The following JCAD variants were observed in gnomAD, a reference collection of about 807,000 sequenced individuals.
The protein encoded by JCAD is junctional cadherin 5 associated.
In JCAD, 40 loss-of-function variants were observed where a neutral mutation model predicts 98.0. That is an observed-to-expected ratio of 0.41 (90% confidence interval 0.32 to 0.53). The LOEUF (loss-of-function observed/expected upper bound fraction) is 0.53. JCAD is among the 20% of genes least tolerant of loss of function. JCAD has a pLI of 0.31. For missense variants in JCAD, 1,705 were observed against 1,738.1 expected (o/e 0.98, Z 0.34); for synonymous variants, 691 against 682.3 (o/e 1.01, Z -0.20).
chr10:30,069,496 G>A (rs1242008718), intron 2 of JCAD, among the ~76,000 whole-genome samples: 1 of 147,260 alleles, frequency 6.8e-6, no homozygotes, highest in Non-Finnish European at 1.5e-5. Flanking sequence ...TGAAGCAGGA[G>A]AATGGCCTCA....
intron 2 of JCAD, among the ~76,000 whole-genome samples, chr10:30,036,887 T>C (rs577034420): frequency 6.6e-6 from 1 of 152,376 alleles, no homozygotes; most frequent in South Asian, 2.1e-4. Flanking sequence ...TGCCTGCTGC[T>C]TTCCATTGCT....
At chr10:30,105,267 A>C (rs2132713288) in intron 1 of JCAD, among the ~76,000 whole-genome samples, 1 of 152,342 alleles carries the variant, frequency 6.6e-6, no homozygotes, top group Middle Eastern at 3.4e-3. Flanking sequence ...AGACAAAGGC[A>C]GAGATTGACT....
At chr10:30,049,963 T>C (rs1313103126) in intron 1 of JCAD, among the ~76,000 whole-genome samples, 2 of 152,086 alleles carry the variant, frequency 1.3e-5, no homozygotes, top group Non-Finnish European at 2.9e-5. Flanking sequence ...GAGCATGTGT[T>C]TGTGTATGAG....
rs763385806 is a variant in JCAD at position 30,027,511 on chromosome 10, C to T, written c.2637G>A (p.Val879=). Residue 879 remains valine, a synonymous_variant, in exon 3 of 4, where the codon GTG becomes GTA. Coordinates refer to ENST00000375377, the MANE Select transcript of JCAD (RefSeq NM_020848.4). ...ENRAHCRQED[V]GFRGNSPEMR... The stretch of plus-strand genomic sequence containing the variant: ...TTTCCGGGCTGTTTCCGCGGAAGCC[C>T]ACATCCTCCTGTCTGCAGTGAGCAC... The T allele has an allele frequency of 3.8e-5, 61 of 1,611,124 alleles. No individual in the cohort carries two copies. The East Asian group carries it at 1.3e-3, about 34-fold the overall frequency.
At chr10:30,110,592 T>G (rs1838677215) in intron 1 of JCAD, among the ~76,000 whole-genome samples, 1 of 152,104 alleles carries the variant, frequency 6.6e-6, no homozygotes, top group African/African-American at 2.4e-5. Flanking sequence ...ATGGACGCAC[T>G]GATGTATGGA....
intron 1 of JCAD, among the ~76,000 whole-genome samples, chr10:30,101,946 G>A (rs1366071978): frequency 6.6e-6 from 1 of 152,040 alleles, no homozygotes; most frequent in East Asian, 1.9e-4. Context: ...CTGACCTCAG[G>A]GGTGGGACTG....
rs1836525341 is a variant in JCAD, at chr10:30,016,081, G to A, written c.*1802C>T. The A allele has an allele frequency of 6.6e-6, 1 of 152,150 alleles. No individual in the cohort carries two copies. The highest frequency in any genetic ancestry group is 2.1e-4 in the South Asian group (1 of 4,824). The allele number at this position is 152,150 out of a possible 1,614,324, so 9.4% of individuals were successfully genotyped here. A position where few individuals can be genotyped will look rare whatever the true frequency, so the allele number is the denominator to read the frequency against. ...CAGATAAGTGTTTTGAAAAGGCTTG[G>A]AAAGATTTTTCGGGGCGACTTAGGT... On this transcript the variant is annotated 3_prime_UTR_variant, in exon 4 of 4. Coordinates refer to ENST00000375377, the MANE Select transcript of JCAD (RefSeq NM_020848.4).
intron 1 of JCAD, among the ~76,000 whole-genome samples, chr10:30,095,961 G>A (rs753619223): frequency 3.3e-5 from 5 of 152,170 alleles, no homozygotes; most frequent in Non-Finnish European, 5.9e-5. Flanking sequence ...TCAGTAAGGC[G>A]GAACTTCTCT....
At chr10:30,082,352 T>G (rs914839148) in intron 1 of JCAD, among the ~76,000 whole-genome samples, 1 of 152,098 alleles carries the variant, frequency 6.6e-6, no homozygotes, top group East Asian at 1.9e-4. Context: ...ACTCACAAAC[T>G]GCAAAAAATA....
At position 30,017,409 on chromosome 10, in the gene JCAD, T is replaced by A. The variant is rs777944233; in HGVS notation, c.*474A>T. On this transcript the variant is annotated 3_prime_UTR_variant, in exon 4 of 4. Coordinates refer to ENST00000375377, the MANE Select transcript of JCAD (RefSeq NM_020848.4). ...CTATTGATTCACATTTCCCCTAAAC[T>A]GAAAGTGCTGAAACACCGGGCAACA... 3 of 173,426 alleles carry A rather than the reference T, an allele frequency of 1.7e-5. No individual in the cohort carries two copies. The highest frequency in any genetic ancestry group is 2.4e-5 in the Non-Finnish European group (2 of 82,940). 10.7% of individuals were successfully genotyped at this position (173,426 alleles called of 1,614,324 possible).
At chr10:30,060,893 T>A (rs1211055907), upstream of JCAD, among the ~76,000 whole-genome samples, 4 of 152,180 alleles carry the variant, frequency 2.6e-5, no homozygotes, top group Admixed American at 2.6e-4. Flanking sequence ...AATCATATGT[T>A]CCTCATGGTT....
At chr10:30,055,784 A>C (rs1479582316) in intron 1 of JCAD, among the ~76,000 whole-genome samples, 1 of 152,244 alleles carries the variant, frequency 6.6e-6, no homozygotes, top group Non-Finnish European at 1.5e-5. Flanking sequence ...TGGAACATTA[A>C]TCTTGCTGGG....
intron 1 of JCAD, among the ~76,000 whole-genome samples, chr10:30,108,915 C>A (rs934223926): frequency 1.3e-5 from 2 of 151,626 alleles, no homozygotes; most frequent in African/African-American, 4.9e-5. Context: ...AAGTATGTTG[C>A]ACAGTGAACA....
At chr10:30,086,252 G>A (rs1838165231) in intron 1 of JCAD, among the ~76,000 whole-genome samples, 1 of 152,078 alleles carries the variant, frequency 6.6e-6, no homozygotes, top group African/African-American at 2.4e-5. Context: ...TGCCTCTTTT[G>A]TGCATTGAAC....
chr10:30,088,980 AAAAT>A (rs1179672470), intron 1 of JCAD, among the ~76,000 whole-genome samples: 3 of 152,206 alleles, frequency 2.0e-5, no homozygotes, highest in African/African-American at 7.2e-5. Context: ...GCCATCTCAA[AAAAT>A]AAATAAATAA....
In JCAD at chr10:30,014,683, A is replaced by G. The variant is rs917667036; in HGVS notation, c.*3200T>C. On this transcript the variant is annotated 3_prime_UTR_variant, in exon 4 of 4. Transcript: ENST00000375377. Reference sequence around the variant, plus strand: ...TTTTCTTCAGAAGCCCCAAACCGAGATGCTGTCAGAATAAGTCATTTTGCT... The same window carrying G: ...TTTTCTTCAGAAGCCCCAAACCGAGGTGCTGTCAGAATAAGTCATTTTGCT... 2 of 152,160 alleles carry G rather than the reference A, an allele frequency of 1.3e-5. No homozygotes were observed. Among genetic ancestry groups the G allele is most frequent in the African/African-American group, 4.8e-5 (2 of 41,440 alleles). The allele number at this position is 152,160 out of a possible 1,614,324, so 9.4% of individuals were successfully genotyped here.
At chr10:30,019,485 G>C (rs1421186694) in intron 3 of JCAD, among the ~76,000 whole-genome samples, 1 of 151,678 alleles carries the variant, frequency 6.6e-6, no homozygotes, top group African/African-American at 2.4e-5. Flanking sequence ...AGGACATTAT[G>C]GTAGTCAAAA....
chr10:30,028,681 G>A lies in JCAD; in HGVS notation c.1467C>T (p.Gly489=). 6.2e-6 allele frequency: 10 copies of A among 1,607,766 alleles called. No homozygotes were observed. Among genetic ancestry groups the A allele is most frequent in the Non-Finnish European group, 8.5e-6 (10 of 1,176,670 alleles). Reference sequence around the variant, plus strand: ...GGGGGCTGGAATCGGCCAAGACCAGGCCTCTCTCATCCCCCGACGGGGGTA... The same window carrying A: ...GGGGGCTGGAATCGGCCAAGACCAGACCTCTCTCATCCCCCGACGGGGGTA... ...SLIPPSGDER[G]LVLADSSPRW... Residue 489 remains glycine (G), a synonymous_variant, in exon 3 of 4, where the codon GGC becomes GGT. Transcript: ENST00000375377.
chr10:30,015,104 T>C lies in JCAD; in HGVS notation c.*2779A>G, dbSNP rs919044337. 8 of 152,244 alleles carry C rather than the reference T, an allele frequency of 5.3e-5. No individual in the cohort carries two copies. Among genetic ancestry groups the C allele is most frequent in the African/African-American group, 1.9e-4 (8 of 41,460 alleles). The allele number at this position is 152,244 out of a possible 1,614,324, so 9.4% of individuals were successfully genotyped here. A position where few individuals can be genotyped will look rare whatever the true frequency, so the allele number is the denominator to read the frequency against. ...GGCAATTTGAGCTAAATTACCATCA[T>C]TTTCCCTTCTTTTGCAAATCAAGAA... On this transcript the variant is annotated 3_prime_UTR_variant, in exon 4 of 4. Coordinates refer to ENST00000375377, the MANE Select transcript of JCAD (RefSeq NM_020848.4).
Sources: allele counts gnomAD v4.1 joint callset (sites outside exome capture counted in the v4.1 genomes callset), GRCh38; gene constraint gnomAD v4.1.1; transcripts MANE v1.5; gene names NCBI Gene and HGNC (gene_info 2026-07-23, HGNC 2026-07-21).